LOXL2: variants seen among roughly 807,000 people sequenced by gnomAD.
LOXL2 encodes lysyl oxidase like 2, also known as lysyl oxidase homolog 2.
In LOXL2, 70 loss-of-function variants were observed where a neutral mutation model predicts 93.0. The observed-to-expected ratio is 0.75, with a 90% CI of 0.62 to 0.92. The LOEUF is 0.92. Ranked by LOEUF, LOXL2 falls within the 40% of genes least tolerant of loss-of-function variation. The pLI is 0.00. For missense variants in LOXL2, 973 were observed against 1,054.9 expected (o/e 0.92, Z 1.08); for synonymous variants, 438 against 413.2 (o/e 1.06, Z -0.73).
At chr8:23,318,925 G>A (rs1477712166) in intron 8 of LOXL2, among the ~76,000 whole-genome samples, 1 of 152,216 alleles carries the variant, frequency 6.6e-6, no homozygotes, top group African/African-American at 2.4e-5. Flanking sequence ...AGCAACCTGG[G>A]ACCCACCCAG....
At position 23,360,312 on chromosome 8, in the gene LOXL2, G is replaced by T. The variant is rs189172848; in HGVS notation, c.356-47C>A. ...GAAACCAAGTGCTGCGTCAATGCAG[G>T]TCTGAGTCTTTGCGGGGCACCAGTG... is the stretch of plus-strand genomic sequence containing the variant. On this transcript the variant is annotated intron_variant, in intron 2 of 13. Coordinates refer to ENST00000389131, the MANE Select transcript of LOXL2 (RefSeq NM_002318.3). 1.2e-4 allele frequency: 175 copies of T among 1,465,466 alleles called. 1 individual carries two copies. The East Asian group carries it at 3.1e-3, about 26-fold the overall frequency. The allele number at this position is 1,465,466 out of a possible 1,614,324, so 90.8% of individuals were successfully genotyped here. A position where few individuals can be genotyped will look rare whatever the true frequency, so the allele number is the denominator to read the frequency against.
chr8:23,354,977 T>G (rs1804167549), intron 3 of LOXL2, among the ~76,000 whole-genome samples: 1 of 69,124 alleles, frequency 1.4e-5, no homozygotes, highest in Non-Finnish European at 2.9e-5. Flanking sequence ...TTTTTTTTTT[T>G]GAGACAGTTT....
At chr8:23,309,969 T>C (rs1398778216) in intron 9 of LOXL2, 58 bp from the exon 10 acceptor site, 1 of 1,401,460 alleles carries the variant, frequency 7.1e-7, no homozygotes, top group Non-Finnish European at 9.4e-7. Flanking sequence ...GGGCTTCTAC[T>C]TCTGATTCTT....
intron 1 of LOXL2, among the ~76,000 whole-genome samples, chr8:23,389,005 G>T (rs1040845784): frequency 6.6e-6 from 1 of 152,114 alleles, no homozygotes; most frequent in Non-Finnish European, 1.5e-5. Context: ...GGAAGACATT[G>T]TTAGCCCTTG....
chr8:23,346,035 T>C (rs1803966410), intron 3 of LOXL2, among the ~76,000 whole-genome samples: 1 of 150,500 alleles, frequency 6.6e-6, no homozygotes, highest in Non-Finnish European at 1.5e-5. Flanking sequence ...ACTACTGCAC[T>C]CTAGCCTGGG....
chr8:23,318,881 C>T (rs1278085585), intron 8 of LOXL2, among the ~76,000 whole-genome samples: 1 of 152,248 alleles, frequency 6.6e-6, no homozygotes, highest in Non-Finnish European at 1.5e-5. Flanking sequence ...GGATCCCAGG[C>T]AGCTTCTGCT....
Position 23,298,240 on chromosome 8 carries a change from CA to C in LOXL2, c.2246-119del. ...TGGGGCCACCTGTGTGTGCCCTCCT[CA>C]AAAGGACAGGTGCCAGGCACTGGCC... On this transcript the variant is annotated intron_variant, in intron 13 of 13. Coordinates refer to ENST00000389131, the MANE Select transcript of LOXL2 (RefSeq NM_002318.3). 5 of 701,440 alleles carry C rather than the reference CA, an allele frequency of 7.1e-6. No homozygotes were observed. In the South Asian group the frequency reaches 8.4e-5, roughly 12 times the overall value. The allele number at this position is 701,440 out of a possible 1,614,324, so 43.5% of individuals were successfully genotyped here.
chr8:23,391,617 G>A (rs906739898), intron 1 of LOXL2, among the ~76,000 whole-genome samples: 6 of 152,164 alleles, frequency 3.9e-5, no homozygotes, highest in South Asian at 2.1e-4. Context: ...CTTTCAAGGC[G>A]ATATTGAAGT....
chr8:23,301,256 G>A (rs1275238040), intron 12 of LOXL2, among the ~76,000 whole-genome samples: 1 of 152,240 alleles, frequency 6.6e-6, no homozygotes, highest in Non-Finnish European at 1.5e-5. Context: ...AGCTTCTGCA[G>A]GCTACGTGTA....
rs923818509 is a variant in LOXL2 at position 23,368,132 on chromosome 8, C to A, written c.220G>T (p.Val74Leu). 2.5e-6 allele frequency: 4 copies of A among 1,613,992 alleles called. No homozygotes were observed. In the African/African-American group the frequency reaches 4.0e-5, roughly 16 times the overall value. The change falls in exon 2 of 14, where the codon GTG becomes TTG. Residue 74 changes from valine (V) to leucine (L), a missense_variant. Coordinates refer to ENST00000389131, the MANE Select transcript of LOXL2 (RefSeq NM_002318.3). ...KRKHSEGRVE[V>L]YYDGQWGTVC... ...GTGCCCCACTGGCCATCATAGTACA[C>A]CTCCACCCGGCCCTCGCTGTGCTTC...
At chr8:23,374,052 T>A (rs1804544925) in intron 1 of LOXL2, among the ~76,000 whole-genome samples, 1 of 152,104 alleles carries the variant, frequency 6.6e-6, no homozygotes, top group Non-Finnish European at 1.5e-5. Flanking sequence ...TGCACCCGTT[T>A]ACTCGTCATT....
chr8:23,318,596 A>C (rs1053102568), intron 8 of LOXL2, among the ~76,000 whole-genome samples: 1 of 152,116 alleles, frequency 6.6e-6, no homozygotes, highest in Non-Finnish European at 1.5e-5. Context: ...ATTTGGTACA[A>C]ATGTCAGTCC....
intron 9 of LOXL2, among the ~76,000 whole-genome samples, chr8:23,315,168 A>G (rs1005969294): frequency 1.3e-5 from 2 of 152,200 alleles, no homozygotes; most frequent in African/African-American, 4.8e-5. Context: ...ACAGGCAGCA[A>G]CAGTGGCAGG....
chr8:23,338,226 G>A (rs543879819), intron 4 of LOXL2, among the ~76,000 whole-genome samples: 96 of 152,312 alleles, frequency 6.3e-4, no homozygotes, highest in Non-Finnish European at 1.1e-3. Flanking sequence ...TCCCTCCCAC[G>A]ACATGTGGGG....
intron 9 of LOXL2, chr8:23,316,601 G>A: frequency 4.1e-6 from 1 of 246,602 alleles, no homozygotes; most frequent in Non-Finnish European, 7.6e-6. Context: ...GAGGGAGGAA[G>A]CCAACACCCA....
At position 23,297,722 on chromosome 8, in the gene LOXL2, C is replaced by CCGCCGTAGCA; in HGVS notation, c.*320_*321insTGCTACGGCG. On this transcript the variant is annotated 3_prime_UTR_variant, in exon 14 of 14. Coordinates refer to ENST00000389131, the MANE Select transcript of LOXL2 (RefSeq NM_002318.3). ...ACTGTGTCTGTGGTGAGCTCGGTGGCTTGAATGGGACAAGCTGATGACAAC... is the reference window on the plus strand; with the variant it reads ...ACTGTGTCTGTGGTGAGCTCGGTGGCCGCCGTAGCATTGAATGGGACAAGCTGATGACAAC... The CCGCCGTAGCA allele has an allele frequency of 9.4e-6, 2 of 211,650 alleles. No individual in the cohort carries two copies. Among genetic ancestry groups the CCGCCGTAGCA allele is most frequent in the Non-Finnish European group, 9.2e-6 (1 of 108,772 alleles). 13.1% of individuals were successfully genotyped at this position (211,650 alleles called of 1,614,324 possible).
At chr8:23,388,328 G>T (rs181757444) in intron 1 of LOXL2, among the ~76,000 whole-genome samples, 2 of 152,084 alleles carry the variant, frequency 1.3e-5, no homozygotes, top group African/African-American at 4.8e-5. Context: ...CTGTAATCCT[G>T]GCACTTTGGG....
intron 4 of LOXL2, among the ~76,000 whole-genome samples, chr8:23,339,915 G>A (rs969395641): frequency 1.3e-5 from 2 of 152,212 alleles, no homozygotes; most frequent in Admixed American, 1.3e-4. Flanking sequence ...GTCCAGGCAG[G>A]GCTGGGCCAG....
rs568119330 is a variant in LOXL2 at position 23,354,912 on chromosome 8, G to A, written c.531+5178C>T. Among the ~76,000 whole-genome samples the A allele has an allele frequency of 5.7e-5, 8 of 140,426 alleles. No homozygotes were observed. The South Asian group carries it at 6.9e-4, about 12-fold the overall frequency. The allele number at this position is 140,426 out of a possible 152,430, so 92.1% of individuals were successfully genotyped here. A position where few individuals can be genotyped will look rare whatever the true frequency, so the allele number is the denominator to read the frequency against. On this transcript the variant is annotated intron_variant, in intron 3 of 13. Transcript: ENST00000389131. ...TCTATCTTCCATCACGCTCCTCTCC[G>A]CCTTGGCTCTGGGAGTTGGAATATA...
Sources: allele counts gnomAD v4.1 joint callset (sites outside exome capture counted in the v4.1 genomes callset), GRCh38; gene constraint gnomAD v4.1.1; transcripts MANE v1.5; gene names NCBI Gene and HGNC (gene_info 2026-07-23, HGNC 2026-07-21).